The following LIMS1 variants were observed in gnomAD, a reference collection of about 807,000 sequenced individuals.
The protein encoded by LIMS1 is LIM zinc finger domain containing 1, also known as LIM and senescent cell antigen-like-containing domain protein 1.
A neutral mutation model predicts 44.1 loss-of-function variants in LIMS1; 18 were observed. That is an observed-to-expected ratio of 0.41 (90% CI 0.28 to 0.61). The LOEUF (loss-of-function observed/expected upper bound fraction) is 0.61. LIMS1 is among the 20% of genes least tolerant of loss of function. The pLI is 0.32. For missense variants in LIMS1, 201 were observed against 422.0 expected, an observed-to-expected ratio of 0.48 and a Z score of 4.59; for synonymous variants, 93 against 149.1, an observed-to-expected ratio of 0.62 and a Z score of 2.74.
At chr2:108,540,193 CTTTTTT>C (rs34386092) in intron 1 of LIMS1, among the ~76,000 whole-genome samples, 24 of 93,312 alleles carry the variant, frequency 2.6e-4, no homozygotes, top group Middle Eastern at 7.8e-3. Context: ...GTACAGATTC[CTTTTTT>C]TTTTTTTTTT....
intron 1 of LIMS1, among the ~76,000 whole-genome samples, chr2:108,613,101 A>G (rs1687747194): frequency 6.6e-6 from 1 of 152,174 alleles, no homozygotes; most frequent in African/African-American, 2.4e-5. Context: ...CCATCTGTAA[A>G]TGGGTATAAT....
At chr2:108,537,696 G>C (rs1217087102) in intron 1 of LIMS1, among the ~76,000 whole-genome samples, 1 of 152,242 alleles carries the variant, frequency 6.6e-6, no homozygotes, top group East Asian at 1.9e-4. Context: ...AGAGAAAACT[G>C]TCCATCAGGA....
intron 1 of LIMS1, among the ~76,000 whole-genome samples, chr2:108,651,703 C>G (rs1381479450): frequency 6.6e-6 from 1 of 152,148 alleles, no homozygotes; most frequent in East Asian, 1.9e-4. Flanking sequence ...AGATCTCTAT[C>G]TGCTTCCCCG....
intron 1 of LIMS1, among the ~76,000 whole-genome samples, chr2:108,556,095 T>C (rs995059147): frequency 5.3e-5 from 8 of 152,140 alleles, no homozygotes; most frequent in Admixed American, 6.5e-5. Flanking sequence ...AAACAATAAC[T>C]CCCATTCTGC....
At chr2:108,569,321 AC>A (rs1467947350) in intron 1 of LIMS1, among the ~76,000 whole-genome samples, 1 of 152,138 alleles carries the variant, frequency 6.6e-6, no homozygotes, top group African/African-American at 2.4e-5. Flanking sequence ...CCTTTGATGC[AC>A]AAAAGTTTTA....
At chr2:108,546,269 CT>C (rs35959257) in intron 1 of LIMS1, among the ~76,000 whole-genome samples, 48 of 90,880 alleles carry the variant, frequency 5.3e-4, no homozygotes, top group African/African-American at 1.2e-3. Context: ...AGGCTACCGC[CT>C]TTTTTTTTTT....
At chr2:108,602,521 A>C (rs1248768534) in intron 1 of LIMS1, among the ~76,000 whole-genome samples, 1 of 152,162 alleles carries the variant, frequency 6.6e-6, no homozygotes, top group African/African-American at 2.4e-5. Context: ...AATTTTATCA[A>C]ATGCTTTTTT....
intron 1 of LIMS1, among the ~76,000 whole-genome samples, chr2:108,595,971 GGCTTATGCT>G (rs199759129): frequency 0.012 from 1,832 of 152,314 alleles, 43 homozygotes; most frequent in African/African-American, 0.043. Flanking sequence ...GAGGGTGGAA[GGCTTATGCT>G]GAAGTGGCCC....
At chr2:108,637,312 G>A (rs139214033) in intron 1 of LIMS1, among the ~76,000 whole-genome samples, 1 of 152,220 alleles carries the variant, frequency 6.6e-6, no homozygotes, top group African/African-American at 2.4e-5. Flanking sequence ...CAAGTGAAAT[G>A]TTTTTTATTC....
At chr2:108,576,072 C>T (rs969891950) in intron 1 of LIMS1, among the ~76,000 whole-genome samples, 6 of 152,182 alleles carry the variant, frequency 3.9e-5, no homozygotes, top group African/African-American at 1.4e-4. Context: ...TTAGCAGTTA[C>T]TGGGTTTTCC....
chr2:108,664,085 T>C (rs1691580882), intron 2 of LIMS1, among the ~76,000 whole-genome samples: 1 of 152,188 alleles, frequency 6.6e-6, no homozygotes, highest in Non-Finnish European at 1.5e-5. Flanking sequence ...AGTAGTCTTG[T>C]AGCAAGATGT....
intron 9 of LIMS1, among the ~76,000 whole-genome samples, chr2:108,683,259 C>T (rs1306016343): frequency 6.6e-6 from 1 of 152,020 alleles, no homozygotes; most frequent in East Asian, 1.9e-4. Flanking sequence ...ATGTTGCCTC[C>T]AATAAAGAAA....
intron 9 of LIMS1, among the ~76,000 whole-genome samples, chr2:108,683,203 T>G (rs1157044955): frequency 6.6e-6 from 1 of 152,172 alleles, no homozygotes; most frequent in Non-Finnish European, 1.5e-5. Flanking sequence ...TAATTTAAAA[T>G]TAATTAAACC....
chr2:108,659,850 G>A, intron 2 of LIMS1, 86 bp downstream of exon 2: 1 of 1,610,012 alleles, frequency 6.2e-7, no homozygotes. Context: ...CCTCCTTCAT[G>A]TTCAGTTTCA....
chr2:108,620,116 C>A (rs114029341), intron 1 of LIMS1, among the ~76,000 whole-genome samples: 3,041 of 152,188 alleles, frequency 0.02, 99 homozygotes, highest in African/African-American at 0.069. Context: ...CAAATGGTAG[C>A]CCTCAGGGGA....
intron 1 of LIMS1, among the ~76,000 whole-genome samples, chr2:108,624,237 T>C (rs1331162176): frequency 6.6e-6 from 1 of 152,236 alleles, no homozygotes; most frequent in African/African-American, 2.4e-5. Flanking sequence ...TATACCCATG[T>C]ACCTACACTT....
At chr2:108,608,701 G>A (rs1431145854) in intron 1 of LIMS1, among the ~76,000 whole-genome samples, 1 of 152,082 alleles carries the variant, frequency 6.6e-6, no homozygotes, top group African/African-American at 2.4e-5. Flanking sequence ...CACTATTTTA[G>A]AAATCTGTTT....
intron 1 of LIMS1, among the ~76,000 whole-genome samples, chr2:108,617,227 A>G (rs916944906): frequency 1.3e-5 from 2 of 152,248 alleles, no homozygotes; most frequent in Non-Finnish European, 2.9e-5. Flanking sequence ...TTGATGTTTA[A>G]TTAGGTTTCT....
intron 1 of LIMS1, among the ~76,000 whole-genome samples, chr2:108,604,498 C>T (rs1037702217): frequency 1.3e-5 from 2 of 152,150 alleles, no homozygotes; most frequent in African/African-American, 4.8e-5. Context: ...TTAACATTTT[C>T]AAATTTTAGA....
Sources: allele counts gnomAD v4.1 joint callset (sites outside exome capture counted in the v4.1 genomes callset), GRCh38; gene constraint gnomAD v4.1.1; transcripts MANE v1.5; gene names NCBI Gene and HGNC (gene_info 2026-07-23, HGNC 2026-07-21).